The following ILRUN variants were observed in gnomAD, a reference collection of about 807,000 sequenced individuals.
The protein encoded by ILRUN is protein ILRUN.
In ILRUN, 3 loss-of-function variants were observed where a neutral mutation model predicts 33.8. The ratio of observed to expected loss-of-function variants is 0.09; its 90% confidence interval spans 0.04 to 0.23. ILRUN has a LOEUF of 0.23. ILRUN is among the 10% of genes least tolerant of loss of function. The pLI is 1.00. For missense variants in ILRUN, 210 were observed against 375.1 expected, an observed-to-expected ratio of 0.56 and a Z score of 3.64; for synonymous variants, 124 against 138.9, an observed-to-expected ratio of 0.89 and a Z score of 0.75.
At position 34,642,321 on chromosome 6, in the gene ILRUN, C is replaced by G. The variant is rs1762489295; in HGVS notation, c.511+4280G>C. Among the ~76,000 whole-genome samples, 6 of 152,180 alleles carry G rather than the reference C, an allele frequency of 3.9e-5. No homozygotes were observed. In the South Asian group the frequency reaches 1.2e-3, roughly 32 times the overall value. ...GCAGAAACAACAGCCAACACCACAG[C>G]TGAATCTCAACCGATTCAGCTTACA... On this transcript the variant is annotated intron_variant, in intron 3 of 4. Coordinates refer to ENST00000374023, the MANE Select transcript of ILRUN (RefSeq NM_024294.4).
intron 3 of ILRUN, among the ~76,000 whole-genome samples, chr6:34,619,070 A>T (rs1391635490): frequency 6.6e-6 from 1 of 152,170 alleles, no homozygotes; most frequent in Admixed American, 6.5e-5. Flanking sequence ...AAAAGCAGTC[A>T]GTTTCAGCGG....
At chr6:34,596,693 C>T in intron 4 of ILRUN, among the ~76,000 whole-genome samples, 1 of 152,080 alleles carries the variant, frequency 6.6e-6, no homozygotes, top group East Asian at 1.9e-4. Flanking sequence ...AGCGTGAGAA[C>T]CAGCCAAAGA....
intron 1 of ILRUN, among the ~76,000 whole-genome samples, chr6:34,680,162 C>T (rs1211489420): frequency 6.6e-6 from 1 of 152,222 alleles, no homozygotes; most frequent in Non-Finnish European, 1.5e-5. Flanking sequence ...GGTTATTTAA[C>T]CTCTCTAAGC....
intron 3 of ILRUN, among the ~76,000 whole-genome samples, chr6:34,636,996 T>TA (rs1360088376): frequency 2.0e-5 from 3 of 152,234 alleles, no homozygotes; most frequent in African/African-American, 7.2e-5. Context: ...TTTATTCATT[T>TA]TTAATATCTC....
At chr6:34,684,397 T>C (rs911000578) in intron 1 of ILRUN, among the ~76,000 whole-genome samples, 3 of 152,214 alleles carry the variant, frequency 2.0e-5, no homozygotes, top group Non-Finnish European at 2.9e-5. Flanking sequence ...AAGAGAACTT[T>C]AGAGAGCTTA....
intron 3 of ILRUN, among the ~76,000 whole-genome samples, chr6:34,621,597 G>A (rs946319196): frequency 6.6e-6 from 1 of 152,080 alleles, no homozygotes; most frequent in African/African-American, 2.4e-5. Context: ...GGTGGCTCAT[G>A]CCTGTAATCC....
chr6:34,614,259 A>G (rs1043217482), intron 3 of ILRUN, among the ~76,000 whole-genome samples: 31 of 151,472 alleles, frequency 2.0e-4, no homozygotes, highest in Non-Finnish European at 2.1e-4. Flanking sequence ...CGTCACTACT[A>G]AATATACAAA....
chr6:34,627,488 G>C (rs997806552), intron 3 of ILRUN, among the ~76,000 whole-genome samples: 2 of 152,220 alleles, frequency 1.3e-5, no homozygotes, highest in African/African-American at 4.8e-5. Context: ...CACCAGCAGT[G>C]AATGAGAATT....
In ILRUN at chr6:34,634,166, C is replaced by T. The variant is rs917345749; in HGVS notation, c.511+12435G>A. Among the ~76,000 whole-genome samples the T allele has an allele frequency of 2.6e-5, 4 of 152,106 alleles. No homozygotes were observed. The East Asian group carries it at 7.7e-4, about 29-fold the overall frequency. ...ATTGAACAAGATAAAAATTTCCAAACGTTTGAAAATTAAACACCACACTTC... is the reference window on the plus strand; with the variant it reads ...ATTGAACAAGATAAAAATTTCCAAATGTTTGAAAATTAAACACCACACTTC... On this transcript the variant is annotated intron_variant, in intron 3 of 4. Coordinates refer to ENST00000374023, the MANE Select transcript of ILRUN (RefSeq NM_024294.4).
intron 2 of ILRUN, among the ~76,000 whole-genome samples, chr6:34,647,969 G>T (rs941191140): frequency 2.0e-5 from 3 of 152,204 alleles, no homozygotes; most frequent in African/African-American, 7.2e-5. Context: ...AAAGTGCTGG[G>T]ATTACAGGCA....
chr6:34,646,778 C>T lies in ILRUN; in HGVS notation c.334G>A (p.Gly112Arg), dbSNP rs1041191607. 1 of 1,613,882 alleles carries T rather than the reference C, an allele frequency of 6.2e-7. No individual in the cohort carries two copies. The highest frequency in any genetic ancestry group is 1.3e-5 in the African/African-American group (1 of 74,880). Residue 112 changes from glycine (G) to arginine (R), a missense_variant, in exon 3 of 5, where the codon GGG becomes AGG. By Grantham distance (125) the Gly-to-Arg change is moderately radical. Transcript: ENST00000374023. The surrounding 1 kb of genome is among the most constrained non-coding windows in gnomAD (Gnocchi z 4.9). ...QNSGAEAWPP[G>R]VCLKYVGGDQ... The stretch of plus-strand genomic sequence containing the variant: ...CCCCCGACATATTTAAGACAAACCC[C>T]TGGAGGCCAGGCCTCTGCCCCTGAG...
intron 3 of ILRUN, among the ~76,000 whole-genome samples, chr6:34,620,611 G>C (rs1403878129): frequency 6.6e-6 from 1 of 152,166 alleles, no homozygotes; most frequent in Non-Finnish European, 1.5e-5. Context: ...GGCTAAGGTA[G>C]AAGGATCACT....
rs367642957 is a variant in ILRUN at position 34,683,591 on chromosome 6, G to C, written c.158+12855C>G. 1.9e-4 allele frequency among the ~76,000 whole-genome samples: 28 copies of C among 149,378 alleles called. No individual in the cohort carries two copies. The East Asian group carries it at 5.5e-3, about 29-fold the overall frequency. On this transcript the variant is annotated intron_variant, in intron 1 of 4. Transcript: ENST00000374023. Reference sequence around the variant, plus strand: ...CAGCTCCGAATATAATGCACAGAAAGGTCTGAAGAAATTGTTAGCAGTGGC... The same window carrying C: ...CAGCTCCGAATATAATGCACAGAAACGTCTGAAGAAATTGTTAGCAGTGGC...
chr6:34,663,410 G>C (rs1325521950), intron 1 of ILRUN, among the ~76,000 whole-genome samples: 1 of 152,164 alleles, frequency 6.6e-6, no homozygotes, highest in Non-Finnish European at 1.5e-5. Context: ...GTGACAGAAT[G>C]AGACCCTGTC....
chr6:34,670,207 C>A (rs1477949006), intron 1 of ILRUN, among the ~76,000 whole-genome samples: 1 of 152,086 alleles, frequency 6.6e-6, no homozygotes, highest in African/African-American at 2.4e-5. Flanking sequence ...GCAACCCCGC[C>A]TGGCCAAAAA....
chr6:34,621,953 T>C (rs759233867), intron 3 of ILRUN, among the ~76,000 whole-genome samples: 38 of 152,214 alleles, frequency 2.5e-4, no homozygotes, highest in African/African-American at 8.7e-4. Context: ...CTTGTGTATA[T>C]GGTCAAATGA....
At position 34,614,431 on chromosome 6, in the gene ILRUN, T is replaced by TTAAA. The variant is rs1562002870; in HGVS notation, c.512-7528_512-7527insTTTA. On this transcript the variant is annotated intron_variant, in intron 3 of 4. Transcript: ENST00000374023. ...AGCAAGACTCCATCTCAAAAAATAA[T>TTAAA]AAAAAAAAAAAAATATATATATATA... 7.0e-5 allele frequency among the ~76,000 whole-genome samples: 8 copies of TTAAA among 113,974 alleles called. 1 individual carries two copies. The highest frequency in any genetic ancestry group is 1.4e-4 in the African/African-American group (4 of 29,550). 74.8% of individuals were successfully genotyped at this position (113,974 alleles called of 152,430 possible). A position where few individuals can be genotyped will look rare whatever the true frequency, so the allele number is the denominator to read the frequency against.
At chr6:34,640,857 G>A (rs1056682907) in intron 3 of ILRUN, among the ~76,000 whole-genome samples, 4 of 151,874 alleles carry the variant, frequency 2.6e-5, no homozygotes, top group African/African-American at 7.3e-5. Context: ...GAGGCAGGTG[G>A]ATCACGAGGT....
chr6:34,674,216 G>A (rs866114769), intron 1 of ILRUN, among the ~76,000 whole-genome samples: 4 of 152,054 alleles, frequency 2.6e-5, no homozygotes, highest in African/African-American at 9.7e-5. Context: ...TAGTAAAGAC[G>A]GGGTTTCACC....
Sources: allele counts gnomAD v4.1 joint callset (sites outside exome capture counted in the v4.1 genomes callset), GRCh38; gene constraint gnomAD v4.1.1; non-coding constraint Gnocchi (gnomAD v3.1); transcripts MANE v1.5; gene names NCBI Gene and HGNC (gene_info 2026-07-23, HGNC 2026-07-21).